CACNA2D3: variants seen among roughly 807,000 people sequenced by gnomAD.
The protein encoded by CACNA2D3 is voltage-dependent calcium channel subunit alpha-2/delta-3.
Under a neutral mutation model 160.6 loss-of-function variants are expected in CACNA2D3, and 60 were observed. The observed-to-expected ratio is 0.37, with a 90% CI of 0.30 to 0.46. CACNA2D3 has a LOEUF of 0.46. Ranked by LOEUF, CACNA2D3 falls within the 20% of genes least tolerant of loss-of-function variation. The pLI is 1.00. For synonymous variants in CACNA2D3, 558 were observed against 492.9 expected (o/e 1.13, Z -1.75); for missense variants, 1,205 against 1,365.0 (o/e 0.88, Z 1.85).
intron 8 of CACNA2D3, among the ~76,000 whole-genome samples, chr3:54,573,318 A>G (rs1472113924): frequency 6.6e-6 from 1 of 152,226 alleles, no homozygotes; most frequent in Admixed American, 6.5e-5. Context: ...TCATAAAAGA[A>G]CCATTAATTA....
chr3:54,565,996 G>A (rs1273025504), intron 6 of CACNA2D3, among the ~76,000 whole-genome samples: 1 of 152,178 alleles, frequency 6.6e-6, no homozygotes, highest in African/African-American at 2.4e-5. Context: ...CTCAATATGT[G>A]TTTGTTGAAT....
At chr3:54,400,560 A>T (rs1460083657) in intron 4 of CACNA2D3, among the ~76,000 whole-genome samples, 1 of 152,156 alleles carries the variant, frequency 6.6e-6, no homozygotes, top group Non-Finnish European at 1.5e-5. Flanking sequence ...AAGGACCCTG[A>T]CAGCCTTTGC....
intron 27 of CACNA2D3, among the ~76,000 whole-genome samples, chr3:54,940,942 C>T (rs1253877516): frequency 6.6e-6 from 1 of 152,180 alleles, no homozygotes; most frequent in Non-Finnish European, 1.5e-5. Context: ...ATCCTCTTAA[C>T]AAGACTAACT....
At chr3:54,492,516 C>T (rs749200400) in intron 4 of CACNA2D3, among the ~76,000 whole-genome samples, 2 of 152,184 alleles carry the variant, frequency 1.3e-5, no homozygotes, top group Non-Finnish European at 1.5e-5. Flanking sequence ...CCTGGCCTCA[C>T]CCGGCCTGAA....
intron 11 of CACNA2D3, among the ~76,000 whole-genome samples, chr3:54,717,685 T>C (rs1701079878): frequency 6.8e-6 from 1 of 146,356 alleles, no homozygotes; most frequent in Non-Finnish European, 1.5e-5. Flanking sequence ...GTGTGTGGTG[T>C]GTGCGTGCGT....
intron 2 of CACNA2D3, among the ~76,000 whole-genome samples, chr3:54,130,852 T>G (rs1162607811): frequency 6.6e-6 from 1 of 152,236 alleles, no homozygotes; most frequent in Non-Finnish European, 1.5e-5. Context: ...GGTTAACAGC[T>G]GAGAGGGCAT....
At chr3:54,202,137 C>T (rs1383089435) in intron 2 of CACNA2D3, among the ~76,000 whole-genome samples, 1 of 152,190 alleles carries the variant, frequency 6.6e-6, no homozygotes, top group Non-Finnish European at 1.5e-5. Context: ...ATCTGGCACC[C>T]CTAGCCTGGG....
chr3:54,996,727 C>T (rs2360665), intron 31 of CACNA2D3, among the ~76,000 whole-genome samples: 1 of 151,926 alleles, frequency 6.6e-6, no homozygotes, highest in Non-Finnish European at 1.5e-5. Flanking sequence ...CAGACTGGTA[C>T]TAAGCCCTGG....
At chr3:54,898,121 CTTT>C (rs1338226754) in intron 26 of CACNA2D3, among the ~76,000 whole-genome samples, 83 of 146,032 alleles carry the variant, frequency 5.7e-4, no homozygotes, top group African/African-American at 2.1e-3. Context: ...TTTTTTCTTT[CTTT>C]CTTTTTCTTT....
intron 16 of CACNA2D3, among the ~76,000 whole-genome samples, chr3:54,838,850 A>G (rs956516575): frequency 2.4e-4 from 36 of 151,814 alleles, no homozygotes; most frequent in African/African-American, 7.8e-4. Context: ...TGTTTTTCTT[A>G]TTTACCTCCT....
At chr3:54,635,222 A>G (rs1404609635) in intron 10 of CACNA2D3, among the ~76,000 whole-genome samples, 6 of 151,920 alleles carry the variant, frequency 3.9e-5, no homozygotes, top group East Asian at 1.9e-4. Flanking sequence ...ATGGAATAAG[A>G]AGGAGAAAAA....
At chr3:54,913,772 G>A (rs1235487219) in intron 27 of CACNA2D3, among the ~76,000 whole-genome samples, 2 of 152,124 alleles carry the variant, frequency 1.3e-5, no homozygotes, top group Non-Finnish European at 2.9e-5. Context: ...TTGGCCTTGG[G>A]AAGAGTTGCA....
intron 4 of CACNA2D3, among the ~76,000 whole-genome samples, chr3:54,450,538 T>G (rs1439646455): frequency 1.3e-5 from 2 of 152,038 alleles, no homozygotes; most frequent in Non-Finnish European, 2.9e-5. Flanking sequence ...ATGAATAGAT[T>G]AATGCCCTCC....
intron 2 of CACNA2D3, among the ~76,000 whole-genome samples, chr3:54,196,932 A>G (rs1206975862): frequency 2.0e-5 from 3 of 152,218 alleles, no homozygotes; most frequent in East Asian, 3.8e-4. Flanking sequence ...CTTTTGCATT[A>G]TTTATGAGAT....
chr3:54,727,760 G>A (rs1160099883), intron 11 of CACNA2D3, among the ~76,000 whole-genome samples: 1 of 152,164 alleles, frequency 6.6e-6, no homozygotes, highest in African/African-American at 2.4e-5. Context: ...CCTGTCAGTG[G>A]CTGGTGGGGG....
intron 5 of CACNA2D3, among the ~76,000 whole-genome samples, chr3:54,557,551 A>G (rs1333432178): frequency 6.6e-6 from 1 of 152,230 alleles, no homozygotes; most frequent in East Asian, 1.9e-4. Flanking sequence ...ATGTTGAGAC[A>G]GTGAGCTAAG....
chr3:54,598,911 G>A (rs73841701), intron 9 of CACNA2D3, among the ~76,000 whole-genome samples: 1,682 of 152,244 alleles, frequency 0.011, 24 homozygotes, highest in African/African-American at 0.039. Context: ...GCAAAACACC[G>A]TTTGTGATGC....
chr3:54,764,665 G>T (rs1437970668), intron 13 of CACNA2D3, among the ~76,000 whole-genome samples: 2 of 152,166 alleles, frequency 1.3e-5, no homozygotes, highest in Non-Finnish European at 2.9e-5. Context: ...ATGATTACAA[G>T]CATTCTTAGA....
At chr3:54,854,044 C>A (rs777420325) in intron 17 of CACNA2D3, among the ~76,000 whole-genome samples, 6 of 152,190 alleles carry the variant, frequency 3.9e-5, no homozygotes, top group Admixed American at 6.5e-5. Flanking sequence ...CCATGCAGAG[C>A]CAGCCCCTGC....
Sources: allele counts gnomAD v4.1 joint callset (sites outside exome capture counted in the v4.1 genomes callset), GRCh38; gene constraint gnomAD v4.1.1; transcripts MANE v1.5; gene names NCBI Gene and HGNC (gene_info 2026-07-23, HGNC 2026-07-21).